The following F10 variants were observed in gnomAD, a reference collection of about 807,000 sequenced individuals.
F10 encodes the protein coagulation factor X.
In F10, 29 loss-of-function variants were observed where a neutral mutation model predicts 37.1. That is an observed-to-expected ratio of 0.78 (90% CI 0.58 to 1.07). The LOEUF (loss-of-function observed/expected upper bound fraction) is 1.07, where lower values mean the gene tolerates loss of function less well. F10 is among the 50% of genes least tolerant of loss of function. F10 has a pLI of 0.00. For synonymous variants in F10, 262 were observed against 268.6 expected, an observed-to-expected ratio of 0.98 and a Z score of 0.24; for missense variants, 539 against 667.9, an observed-to-expected ratio of 0.81 and a Z score of 2.13.
At chr13:113,135,007 G>A (rs1425794078) in intron 2 of F10, among the ~76,000 whole-genome samples, 4 of 152,068 alleles carry the variant, frequency 2.6e-5, no homozygotes, top group South Asian at 2.1e-4. Flanking sequence ...TTGGGAGACC[G>A]AGGTGGGTGG....
intron 7 of F10, among the ~76,000 whole-genome samples, chr13:113,147,902 G>A (rs976338422): frequency 1.3e-5 from 2 of 152,176 alleles, no homozygotes; most frequent in Non-Finnish European, 2.9e-5. Flanking sequence ...TTGTGGGATT[G>A]TTTCATTAAC....
chr13:113,143,703 G>T lies in F10; in HGVS notation c.503-148G>T. ...CAGATCCGACCCCTGCCGACGACGT[G>T]GGGCCTCGCCCTGCAAGCCCGCTGC... On this transcript the variant is annotated intron_variant, in intron 5 of 7. Transcript: ENST00000375559. This position sits in a 1 kb window ranked among gnomAD's most constrained non-coding sequence, Gnocchi z 6.8. The T allele has an allele frequency of 3.4e-5, 40 of 1,188,204 alleles. No individual in the cohort carries two copies. The Admixed American group carries it at 3.5e-4, about 11-fold the overall frequency. The allele number at this position is 1,188,204 out of a possible 1,614,324, so 73.6% of individuals were successfully genotyped here.
chr13:113,148,345 A>AAAAATATATATATATAT lies in F10; in HGVS notation c.866-570_866-569insAAATATATATATATATA, dbSNP rs1300922846. Among the ~76,000 whole-genome samples, 16 of 95,410 alleles carry AAAAATATATATATATAT rather than the reference A, an allele frequency of 1.7e-4. No individual in the cohort carries two copies. The East Asian group carries it at 6.4e-3, about 38-fold the overall frequency. 62.6% of individuals were successfully genotyped at this position (95,410 alleles called of 152,430 possible). A position where few individuals can be genotyped will look rare whatever the true frequency, so the allele number is the denominator to read the frequency against. On this transcript the variant is annotated intron_variant, in intron 7 of 7. Coordinates refer to ENST00000375559, the MANE Select transcript of F10 (RefSeq NM_000504.4). ...AACTCTGTCTCAAAAAAAAAAAAAAAATATATATATATATATATGTATATA... is the reference window on the plus strand; with the variant it reads ...AACTCTGTCTCAAAAAAAAAAAAAAAAAAATATATATATATATATATATATATATATATATGTATATA...
Position 113,143,756 on chromosome 13 carries a change from C to A in F10, c.503-95C>A. On this transcript the variant is annotated intron_variant, in intron 5 of 7. Transcript: ENST00000375559. The surrounding 1 kb of genome is among the most constrained non-coding windows in gnomAD (Gnocchi z 6.8). ...CTCCGGGTGCCCCTGCGCTCTGCCT[C>A]CCGGCTCTCTGACTCTTCTCCCTCA... The A allele has an allele frequency of 6.3e-7, 1 of 1,583,670 alleles. No homozygotes were observed. Among genetic ancestry groups the A allele is most frequent in the Non-Finnish European group, 8.6e-7 (1 of 1,169,246 alleles).
chr13:113,147,811 C>T (rs2138554856), intron 7 of F10, among the ~76,000 whole-genome samples: 1 of 152,206 alleles, frequency 6.6e-6, no homozygotes, highest in Admixed American at 6.5e-5. Flanking sequence ...GTCTCAGTGT[C>T]TTTTATTGGG....
chr13:113,123,227 C>G (rs1297426336), intron 1 of F10, among the ~76,000 whole-genome samples: 1 of 151,924 alleles, frequency 6.6e-6, no homozygotes, highest in East Asian at 1.9e-4. Flanking sequence ...GATGGGAGGC[C>G]AAGAGGCAGA....
intron 1 of F10, 31 bp downstream of exon 1, chr13:113,122,956 G>C: frequency 1.9e-6 from 3 of 1,605,332 alleles, no homozygotes; most frequent in Non-Finnish European, 2.5e-6. Flanking sequence ...AGACCCAAAA[G>C]CAGCGCCAGG....
At chr13:113,124,780 A>G (rs1029262980) in intron 1 of F10, among the ~76,000 whole-genome samples, 1 of 152,278 alleles carries the variant, frequency 6.6e-6, no homozygotes, top group Admixed American at 6.5e-5. Context: ...AGTAGCTTAA[A>G]GCAACAGAAA....
Position 113,143,699 on chromosome 13 carries a change from A to ATAAG in F10, c.503-152_503-151insTAAG. On this transcript the variant is annotated intron_variant, in intron 5 of 7. Coordinates refer to ENST00000375559, the MANE Select transcript of F10 (RefSeq NM_000504.4). This position sits in a 1 kb window ranked among gnomAD's most constrained non-coding sequence, Gnocchi z 6.8. ...CCTGCAGATCCGACCCCTGCCGACG[A>ATAAG]CGTGGGGCCTCGCCCTGCAAGCCCG... is the stretch of plus-strand genomic sequence containing the variant. 8.3e-6 allele frequency: 10 copies of ATAAG among 1,203,538 alleles called. No homozygotes were observed. In the Admixed American group the frequency reaches 8.6e-5, roughly 10 times the overall value. 74.6% of individuals were successfully genotyped at this position (1,203,538 alleles called of 1,614,324 possible). A position where few individuals can be genotyped will look rare whatever the true frequency, so the allele number is the denominator to read the frequency against.
intron 2 of F10, among the ~76,000 whole-genome samples, chr13:113,134,375 T>C (rs1235335828): frequency 6.6e-6 from 1 of 152,182 alleles, no homozygotes; most frequent in Non-Finnish European, 1.5e-5. Flanking sequence ...CAGTTCTACA[T>C]GTCTAAGGAG....
chr13:113,127,531 G>A (rs2036381697), intron 1 of F10, among the ~76,000 whole-genome samples: 1 of 152,200 alleles, frequency 6.6e-6, no homozygotes, highest in South Asian at 2.1e-4. Flanking sequence ...CACAGGCAGA[G>A]AGATGTGGAC....
At position 113,149,181 on chromosome 13, in the gene F10, C is replaced by T. The variant is rs756106381; in HGVS notation, c.1131C>T (p.Leu377=). 3.7e-6 allele frequency: 6 copies of T among 1,612,866 alleles called. No individual in the cohort carries two copies. Among genetic ancestry groups the T allele is most frequent in the Non-Finnish European group, 5.1e-6 (6 of 1,180,026 alleles). ...AGAAGGGCCGGCAGTCCACCAGGCT[C>T]AAGATGCTGGAGGTGCCCTACGTGG... ...THEKGRQSTR[L]KMLEVPYVDR... The change falls in exon 8 of 8, where the codon CTC becomes CTT. Residue 377 remains leucine (L), a synonymous_variant. Coordinates refer to ENST00000375559, the MANE Select transcript of F10 (RefSeq NM_000504.4). This position sits in a 1 kb window ranked among gnomAD's most constrained non-coding sequence, Gnocchi z 7.5.
At chr13:113,137,786 TG>T (rs1309096045) in intron 2 of F10, among the ~76,000 whole-genome samples, 1 of 152,218 alleles carries the variant, frequency 6.6e-6, no homozygotes, top group Non-Finnish European at 1.5e-5. Flanking sequence ...TGTGCCTCTG[TG>T]TGACTTTTTC....
At chr13:113,131,624 G>A (rs745771433) in intron 2 of F10, 4 of 152,226 alleles carry the variant, frequency 2.6e-5, no homozygotes, top group East Asian at 3.8e-4. Context: ...ATATTCAGGC[G>A]CCTTGATAAA....
intron 1 of F10, chr13:113,128,193 A>C (rs1316419521): frequency 6.6e-6 from 1 of 152,276 alleles, no homozygotes; most frequent in Non-Finnish European, 1.5e-5. Flanking sequence ...TGTGAGGACC[A>C]CGACCCATGA....
intron 2 of F10, among the ~76,000 whole-genome samples, chr13:113,134,244 G>T (rs903980547): frequency 1.3e-5 from 2 of 152,170 alleles, no homozygotes; most frequent in East Asian, 3.8e-4. Context: ...ACATGATCAT[G>T]CATATAGAAA....
chr13:113,141,057 G>A lies in F10; in HGVS notation c.502+7G>A, dbSNP rs1286690939. ...AAGGCCTGCATTCCCACAGGTAGGA[G>A]GCACGTTGGGCCACAGCCACCCGCT... On this transcript the variant is annotated splice_region_variant and intron_variant, in intron 5 of 7. Transcript: ENST00000375559. This position sits in a 1 kb window ranked among gnomAD's most constrained non-coding sequence, Gnocchi z 5.4. The A allele has an allele frequency of 6.2e-7, 1 of 1,613,068 alleles. No individual in the cohort carries two copies. Among genetic ancestry groups the A allele is most frequent in the African/African-American group, 1.3e-5 (1 of 74,930 alleles).
chr13:113,141,273 G>A lies in F10; in HGVS notation c.502+223G>A, dbSNP rs144437533. On this transcript the variant is annotated intron_variant, in intron 5 of 7. Coordinates refer to ENST00000375559, the MANE Select transcript of F10 (RefSeq NM_000504.4). The surrounding 1 kb of genome is among the most constrained non-coding windows in gnomAD (Gnocchi z 5.4). The stretch of plus-strand genomic sequence containing the variant: ...CCCATTATTTCTGTAAGCCAGATCT[G>A]CTGTTTAACCTCAGCTTCCCCATCT... Among the ~76,000 whole-genome samples, 74 of 152,358 alleles carry A rather than the reference G, an allele frequency of 4.9e-4. 4 individuals are homozygous for A. The East Asian group carries it at 0.014, about 29-fold the overall frequency.
In F10 at chr13:113,142,914, AAG is replaced by A. The variant is rs1196833661; in HGVS notation, c.503-931_503-930del. 2.0e-5 allele frequency among the ~76,000 whole-genome samples: 3 copies of A among 152,158 alleles called. No homozygotes were observed. The East Asian group carries it at 5.8e-4, about 29-fold the overall frequency. On this transcript the variant is annotated intron_variant, in intron 5 of 7. Transcript: ENST00000375559. ...GCCATTGCACTCCAGCCTGGGAGAC[AAG>A]AGAGAAACTCCATCTCAAAAAAAAA...
Sources: gnomAD v4.1 joint callset for allele counts (sites outside exome capture counted in the v4.1 genomes callset) on GRCh38, gnomAD v4.1.1 for gene constraint, Gnocchi (gnomAD v3.1) non-coding constraint, MANE v1.5 for transcripts, NCBI Gene and HGNC (gene_info 2026-07-23, HGNC 2026-07-21) for gene names.